The following IGSF21 variants were observed in gnomAD, a reference collection of about 807,000 sequenced individuals.
IGSF21 encodes the protein immunoglobulin superfamily member 21.
Under a neutral mutation model 46.8 loss-of-function variants are expected in IGSF21, and 28 were observed. That is an observed-to-expected ratio of 0.60 (90% confidence interval 0.44 to 0.82). The LOEUF is 0.82. IGSF21 is among the 40% of genes least tolerant of loss of function. The pLI, the probability that IGSF21 is intolerant of heterozygous loss-of-function variation, is 0.00. For missense variants in IGSF21, 624 were observed against 665.5 expected, an observed-to-expected ratio of 0.94 and a Z score of 0.69; for synonymous variants, 284 against 273.6, an observed-to-expected ratio of 1.04 and a Z score of -0.38.
intron 1 of IGSF21, among the ~76,000 whole-genome samples, chr1:18,216,097 T>A (rs951886840): frequency 6.6e-6 from 1 of 152,128 alleles, no homozygotes; most frequent in Admixed American, 6.5e-5. Flanking sequence ...TTTACAAAGG[T>A]CTATGAGCTC....
chr1:18,189,380 T>C (rs2086933745), intron 1 of IGSF21, among the ~76,000 whole-genome samples: 1 of 152,162 alleles, frequency 6.6e-6, no homozygotes, highest in Non-Finnish European at 1.5e-5. Context: ...TCCAACCTTT[T>C]TGGCACCAGG....
intron 1 of IGSF21, among the ~76,000 whole-genome samples, chr1:18,204,738 G>T (rs907540681): frequency 3.9e-5 from 6 of 152,164 alleles, no homozygotes; most frequent in African/African-American, 1.4e-4. Context: ...GCAGGAGCAG[G>T]AACTAGAGAA....
At chr1:18,281,944 C>T (rs1031850966) in intron 2 of IGSF21, among the ~76,000 whole-genome samples, 3 of 152,108 alleles carry the variant, frequency 2.0e-5, no homozygotes, top group Non-Finnish European at 2.9e-5. Flanking sequence ...GGGTGTGCTT[C>T]GGAGCAAAGA....
At chr1:18,283,480 G>A (rs946304771) in intron 2 of IGSF21, among the ~76,000 whole-genome samples, 1 of 152,186 alleles carries the variant, frequency 6.6e-6, no homozygotes, top group African/African-American at 2.4e-5. Flanking sequence ...CCAGGCCTAG[G>A]AACTGCAAGA....
chr1:18,203,552 G>A (rs912918764), intron 1 of IGSF21, among the ~76,000 whole-genome samples: 1 of 152,176 alleles, frequency 6.6e-6, no homozygotes. Context: ...CAAGTGATCT[G>A]CCCGCCTCAG....
chr1:18,129,013 T>C (rs2086296449), intron 1 of IGSF21, among the ~76,000 whole-genome samples: 2 of 152,148 alleles, frequency 1.3e-5, no homozygotes, highest in Admixed American at 1.3e-4. Context: ...AAGGTATTAA[T>C]TAGCAGTTAT....
At chr1:18,279,536 TG>T (rs947239842) in intron 2 of IGSF21, among the ~76,000 whole-genome samples, 1 of 152,170 alleles carries the variant, frequency 6.6e-6, no homozygotes, top group African/African-American at 2.4e-5. Context: ...AGCCATCCCC[TG>T]GGCCCCATTT....
intron 3 of IGSF21, among the ~76,000 whole-genome samples, chr1:18,307,208 G>A (rs1370613162): frequency 6.6e-6 from 1 of 151,990 alleles, no homozygotes; most frequent in Non-Finnish European, 1.5e-5. Flanking sequence ...TGGGGACCAT[G>A]GGACTAAGTC....
intron 2 of IGSF21, among the ~76,000 whole-genome samples, chr1:18,235,342 C>G (rs1452345603): frequency 6.6e-6 from 1 of 152,176 alleles, no homozygotes; most frequent in African/African-American, 2.4e-5. Flanking sequence ...AAGACAAGAT[C>G]CTGTGCTCAC....
chr1:18,365,506 C>T lies in IGSF21; in HGVS notation c.824C>T (p.Pro275Leu). 6.2e-7 allele frequency: 1 copy of T among 1,614,084 alleles called. No individual in the cohort carries two copies. The highest frequency in any genetic ancestry group is 8.5e-7 in the Non-Finnish European group (1 of 1,180,024). The change falls in exon 6 of 10, where the codon CCC becomes CTC. Residue 275 changes from proline to leucine, a missense_variant. Physicochemically the swap from Pro to Leu is moderately conservative, Grantham distance 98 (BLOSUM62 -3). Transcript: ENST00000251296. The surrounding 1 kb of genome is among the most constrained non-coding windows in gnomAD (Gnocchi z 4.8). ...IPETVVSREFPRWVHSAEPTY... is the reference protein window; with the variant it reads ...IPETVVSREFLRWVHSAEPTY... The stretch of plus-strand genomic sequence containing the variant: ...GAGACGGTCGTGAGCCGTGAGTTTC[C>T]CCGCTGGGTCCACAGCGCCGAGCCC...
At chr1:18,268,506 A>C (rs1053914886) in intron 2 of IGSF21, among the ~76,000 whole-genome samples, 1 of 152,138 alleles carries the variant, frequency 6.6e-6, no homozygotes, top group East Asian at 1.9e-4. Context: ...TGAAGCCGAG[A>C]TGGGTCCCAA....
chr1:18,190,252 G>A (rs1003944729), intron 1 of IGSF21, among the ~76,000 whole-genome samples: 1 of 152,188 alleles, frequency 6.6e-6, no homozygotes, highest in African/African-American at 2.4e-5. Context: ...CTCCCTCTTT[G>A]CCTGGTCTCC....
chr1:18,126,469 G>A (rs2086275334), intron 1 of IGSF21, among the ~76,000 whole-genome samples: 1 of 152,078 alleles, frequency 6.6e-6, no homozygotes, highest in Non-Finnish European at 1.5e-5. Flanking sequence ...CCAGATCTGG[G>A]ATAAATGCCT....
chr1:18,178,868 G>T (rs1310462446), intron 1 of IGSF21, among the ~76,000 whole-genome samples: 1 of 152,102 alleles, frequency 6.6e-6, no homozygotes, highest in Non-Finnish European at 1.5e-5. Context: ...CTTATTCTCC[G>T]CCCTTCCTCT....
In IGSF21 at chr1:18,206,791, G is replaced by A. The variant is rs1029544859; in HGVS notation, c.71-21107G>A. On this transcript the variant is annotated intron_variant, in intron 1 of 9. Coordinates refer to ENST00000251296, the MANE Select transcript of IGSF21 (RefSeq NM_032880.5). The stretch of plus-strand genomic sequence containing the variant: ...TCAGTATGATGGGAGCTACCTAAAG[G>A]CTTGGCACAAAGGAGCAGCATGATC... Among the ~76,000 whole-genome samples the A allele has an allele frequency of 2.6e-5, 4 of 152,316 alleles. 1 individual carries two copies. Among genetic ancestry groups the A allele is most frequent in the Admixed American group, 6.5e-5 (1 of 15,306 alleles).
At chr1:18,224,693 G>C (rs1419495173) in intron 1 of IGSF21, among the ~76,000 whole-genome samples, 3 of 152,178 alleles carry the variant, frequency 2.0e-5, no homozygotes, top group African/African-American at 7.2e-5. Flanking sequence ...AGGAGAGAAA[G>C]TTAAGAGAAG....
At chr1:18,376,069 A>G (rs10157096) in intron 6 of IGSF21, 318,794 of 430,930 alleles carry the variant, frequency 0.74, 118,559 homozygotes, top group Admixed American at 0.79. Context: ...AGCAGGAATC[A>G]TGTCCTATAT....
At chr1:18,196,792 G>A (rs1249429368) in intron 1 of IGSF21, among the ~76,000 whole-genome samples, 1 of 152,134 alleles carries the variant, frequency 6.6e-6, no homozygotes, top group Admixed American at 6.5e-5. Context: ...ATGATCTTGA[G>A]CCTCTCAAGC....
At chr1:18,356,474 G>A (rs530002379) in intron 4 of IGSF21, among the ~76,000 whole-genome samples, 1 of 152,338 alleles carries the variant, frequency 6.6e-6, no homozygotes, top group East Asian at 1.9e-4. Flanking sequence ...TGGATCTCCT[G>A]TGAATACAGT....
Sources: allele counts gnomAD v4.1 joint callset (sites outside exome capture counted in the v4.1 genomes callset), GRCh38; gene constraint gnomAD v4.1.1; non-coding constraint Gnocchi (gnomAD v3.1); transcripts MANE v1.5; gene names NCBI Gene and HGNC (gene_info 2026-07-23, HGNC 2026-07-21).